Variants in ZFHX4 observed in about 807,000 individuals in gnomAD.
ZFHX4 encodes the protein zinc finger homeobox protein 4.
A neutral mutation model predicts 267.6 loss-of-function variants in ZFHX4; 56 were observed. That is an observed-to-expected ratio of 0.21 (90% confidence interval 0.17 to 0.26). ZFHX4 has a LOEUF of 0.26. ZFHX4 is among the 10% of genes least tolerant of loss of function. The pLI is 1.00. For missense variants in ZFHX4, 4,332 were observed against 4,420.0 expected (o/e 0.98, Z 0.56); for synonymous variants, 1,778 against 1,665.6 (o/e 1.07, Z -1.64).
In ZFHX4 at chr8:76,858,058, T is replaced by C. The variant is rs144891348; in HGVS notation, c.9379+1758T>C. Among the ~76,000 whole-genome samples, 267 of 152,322 alleles carry C rather than the reference T, an allele frequency of 1.8e-3. 1 individual carries two copies. Among genetic ancestry groups the C allele is most frequent in the African/African-American group, 6.2e-3 (258 of 41,570 alleles). The stretch of plus-strand genomic sequence containing the variant: ...ACTTTGATTGATGATGACTGTGTTG[T>C]CATCCCAATAAGTGGTGGTCAAAGC... On this transcript the variant is annotated intron_variant, in intron 10 of 10. Coordinates refer to ENST00000651372, the MANE Select transcript of ZFHX4 (RefSeq NM_024721.5).
chr8:76,781,525 T>C (rs1810546732), intron 4 of ZFHX4, among the ~76,000 whole-genome samples: 1 of 152,100 alleles, frequency 6.6e-6, no homozygotes. Context: ...CAAGCCTGGT[T>C]CTTAAACTGG....
chr8:76,712,993 A>G (rs1808466350), intron 3 of ZFHX4, among the ~76,000 whole-genome samples: 2 of 152,246 alleles, frequency 1.3e-5, no homozygotes, highest in Non-Finnish European at 2.9e-5. Context: ...CATGGATTAA[A>G]TAAAGAGGAG....
intron 3 of ZFHX4, among the ~76,000 whole-genome samples, chr8:76,747,945 C>T (rs964274815): frequency 1.3e-5 from 2 of 151,862 alleles, no homozygotes; most frequent in African/African-American, 4.8e-5. Context: ...AACAAACAAA[C>T]AAACAAACAA....
At chr8:76,739,780 T>C (rs996830160) in intron 3 of ZFHX4, among the ~76,000 whole-genome samples, 2 of 152,210 alleles carry the variant, frequency 1.3e-5, no homozygotes, top group Admixed American at 6.5e-5. Context: ...GTTACAATTT[T>C]AATATCATTC....
At chr8:76,754,068 C>A (rs549973356) in intron 3 of ZFHX4, among the ~76,000 whole-genome samples, 2 of 152,068 alleles carry the variant, frequency 1.3e-5, no homozygotes, top group Admixed American at 6.6e-5. Context: ...ACTGGTAGAA[C>A]GTGATTCTTA....
chr8:76,755,047 A>G (rs1809726650), intron 3 of ZFHX4, among the ~76,000 whole-genome samples: 1 of 152,226 alleles, frequency 6.6e-6, no homozygotes, highest in African/African-American at 2.4e-5. Flanking sequence ...GTGGGTTGCC[A>G]TTCTATTAAA....
intron 9 of ZFHX4, 147 bp downstream of exon 9, chr8:76,850,509 G>A: frequency 2.6e-6 from 2 of 757,026 alleles, no homozygotes; most frequent in Non-Finnish European, 2.1e-6. Flanking sequence ...ATTTTCCAAG[G>A]CATATTTTGT....
Position 76,852,615 on chromosome 8 carries a change from CCGAATAGCT to C in ZFHX4, c.5695_5703del (p.Arg1899_Ala1901del). Reference sequence around the variant, plus strand: ...CCTTGGAACCATCCATCCCACCACCCCGAATAGCTTCAGGGGCCAGAGGAAATGCTGCCA... The same window carrying C: ...CCTTGGAACCATCCATCCCACCACCCTCAGGGGCCAGAGGAAATGCTGCCA... On this transcript the variant is annotated inframe_deletion, in exon 10 of 11. Transcript: ENST00000651372. 6.2e-7 allele frequency: 1 copy of C among 1,612,656 alleles called. No individual in the cohort carries two copies.
At chr8:76,813,086 A>G (rs1229916747) in intron 4 of ZFHX4, among the ~76,000 whole-genome samples, 1 of 152,150 alleles carries the variant, frequency 6.6e-6, no homozygotes, top group Non-Finnish European at 1.5e-5. Flanking sequence ...ATATGCATAA[A>G]AGTAAAAATT....
rs866957030 is a variant in ZFHX4, at chr8:76,704,900, A to C, written c.812A>C (p.Asp271Ala). 3 of 1,614,174 alleles carry C rather than the reference A, an allele frequency of 1.9e-6. No homozygotes were observed. In the Middle Eastern group the frequency reaches 4.9e-4, roughly 266 times the overall value. Residue 271 changes from aspartate (D) to alanine (A), a missense_variant, in exon 2 of 11, where the codon GAT becomes GCT. Transcript: ENST00000651372. ...TCCAAATTCGATGGTTGTGTTAGCG[A>C]TGGGAAAAGGAAACCTGTTTTAATG... ...DLSKFDGCVS[D>A]GKRKPVLMCF...
In ZFHX4 at chr8:76,863,125, G is replaced by A. The variant is rs1337858748; in HGVS notation, c.9411G>A (p.Gly3137=). ...CACCTCCCGGTGCAGGCATGCTTGG[G>A]TTTCCTACTTCAGCTACTTCGTCTC... The part of the protein sequence containing the change: ...TLTPPGAGML[G]FPTSATSSPA... The change falls in exon 11 of 11, where the codon GGG becomes GGA. Residue 3137 remains glycine (G), a synonymous_variant. Coordinates refer to ENST00000651372, the MANE Select transcript of ZFHX4 (RefSeq NM_024721.5). 9 of 1,533,816 alleles carry A rather than the reference G, an allele frequency of 5.9e-6. No homozygotes were observed. Among genetic ancestry groups the A allele is most frequent in the African/African-American group, 1.4e-5 (1 of 72,430 alleles).
intron 4 of ZFHX4, among the ~76,000 whole-genome samples, chr8:76,803,004 G>C (rs1203425160): frequency 6.6e-6 from 1 of 152,064 alleles, no homozygotes; most frequent in Non-Finnish European, 1.5e-5. Context: ...GGCCAAAGAA[G>C]TCTTTTGTAT....
chr8:76,856,420 ATTAT>A, intron 10 of ZFHX4, 120 bp downstream of exon 10: 1 of 1,158,458 alleles, frequency 8.6e-7, no homozygotes, highest in Non-Finnish European at 1.2e-6. Context: ...AAATCAATAC[ATTAT>A]TTAAAGTATA....
In ZFHX4 at chr8:76,833,373, G is replaced by C; in HGVS notation, c.3361G>C (p.Asp1121His). ...ASLGARTCDD[D>H]LTEQQLRSTS... ...ATTGGGAGCCAGGACTTGTGATGAT[G>C]ATCTTACAGAGCAGCAGTTGAGATC... is the stretch of plus-strand genomic sequence containing the variant. Residue 1121 changes from aspartate (D) to histidine (H), a missense_variant, in exon 5 of 11, where the codon GAT (aspartate) becomes CAT (histidine). Around this residue, in one of 7 missense-constraint regions of ZFHX4, gnomAD observed 1,371 missense variants for 1,423.1 expected, o/e 0.96. Coordinates refer to ENST00000651372, the MANE Select transcript of ZFHX4 (RefSeq NM_024721.5). The C allele has an allele frequency of 6.2e-7, 1 of 1,610,532 alleles. No homozygotes were observed.
intron 3 of ZFHX4, among the ~76,000 whole-genome samples, chr8:76,737,656 G>A (rs1809201083): frequency 6.6e-6 from 1 of 152,012 alleles, no homozygotes; most frequent in Non-Finnish European, 1.5e-5. Flanking sequence ...GGTTTTGTGA[G>A]GATTACATAT....
intron 3 of ZFHX4, among the ~76,000 whole-genome samples, chr8:76,744,925 T>C (rs1257500416): frequency 6.6e-6 from 1 of 152,174 alleles, no homozygotes; most frequent in African/African-American, 2.4e-5. Context: ...TTTCTATTTC[T>C]AGACAAGAGC....
intron 1 of ZFHX4, among the ~76,000 whole-genome samples, chr8:76,690,903 G>A (rs1807806064): frequency 6.6e-6 from 1 of 152,020 alleles, no homozygotes; most frequent in African/African-American, 2.4e-5. Flanking sequence ...AGGATGGTAA[G>A]GCAACTAGAA....
intron 4 of ZFHX4, among the ~76,000 whole-genome samples, chr8:76,813,160 T>C: frequency 6.6e-6 from 1 of 152,136 alleles, no homozygotes; most frequent in East Asian, 1.9e-4. Context: ...AAATCTTGAC[T>C]TTGGGATTTA....
chr8:76,754,572 T>C (rs909581696), intron 3 of ZFHX4, among the ~76,000 whole-genome samples: 9 of 152,166 alleles, frequency 5.9e-5, no homozygotes, highest in African/African-American at 1.9e-4. Context: ...CTTTAGTTTA[T>C]AGATAATAAT....
Sources: allele counts gnomAD v4.1 joint callset (sites outside exome capture counted in the v4.1 genomes callset), GRCh38; gene constraint gnomAD v4.1.1; regional missense constraint gnomAD v4.1.1; transcripts MANE v1.5; gene names NCBI Gene and HGNC (gene_info 2026-07-23, HGNC 2026-07-21).